DEUP1: variants seen among roughly 807,000 people sequenced by gnomAD.
DEUP1 encodes coiled-coil domain containing 67.
A neutral mutation model predicts 87.4 loss-of-function variants in DEUP1; 82 were observed. The ratio of observed to expected loss-of-function variants is 0.94; its 90% confidence interval spans 0.78 to 1.13. The LOEUF (loss-of-function observed/expected upper bound fraction) is 1.13, where lower values mean the gene tolerates loss of function less well. DEUP1 is among the 50% of genes most tolerant of loss of function. The pLI is 0.00. For synonymous variants in DEUP1, 214 were observed against 222.7 expected (o/e 0.96, Z 0.35); for missense variants, 663 against 681.5 (o/e 0.97, Z 0.30).
At chr11:93,384,314 T>C (rs914804979) in intron 7 of DEUP1, among the ~76,000 whole-genome samples, 1 of 152,214 alleles carries the variant, frequency 6.6e-6, no homozygotes, top group Non-Finnish European at 1.5e-5. Context: ...ACAGAGAAAA[T>C]AGAAGCCAAG....
chr11:93,429,007 T>G (rs1454850184), intron 13 of DEUP1, among the ~76,000 whole-genome samples: 1 of 152,208 alleles, frequency 6.6e-6, no homozygotes, highest in Admixed American at 6.5e-5. Flanking sequence ...ATATGTTTAT[T>G]GGCCATTTTG....
chr11:93,433,007 T>C (rs941542097), intron 13 of DEUP1, among the ~76,000 whole-genome samples: 1 of 152,184 alleles, frequency 6.6e-6, no homozygotes, highest in Non-Finnish European at 1.5e-5. Context: ...GTCAATCTCA[T>C]GGCCTTGTCA....
intron 7 of DEUP1, among the ~76,000 whole-genome samples, chr11:93,373,605 T>TTATATGTG (rs1555048194): frequency 2.3e-5 from 3 of 128,706 alleles, no homozygotes; most frequent in African/African-American, 9.1e-5. Context: ...GTATATATAT[T>TTATATGTG]TATATATGTA....
chr11:93,396,239 G>T lies in DEUP1; in HGVS notation c.1240G>T (p.Val414Phe), dbSNP rs1219855216. Reference sequence around the variant, plus strand: ...TTTGCCTTTTATCTGCTAATTTCAGGTCTCAGATATGAAATATAAAGCTGT... The same window carrying T: ...TTTGCCTTTTATCTGCTAATTTCAGTTCTCAGATATGAAATATAAAGCTGT... ...IKEKMLAKQK[V>F]SDMKYKAVRT... Residue 414 changes from valine to phenylalanine, a missense_variant and splice_region_variant, in exon 11 of 14, where the codon GTC becomes TTC. Physicochemically the swap from Val to Phe is conservative, Grantham distance 50. Transcript: ENST00000298050. 6.5e-6 allele frequency: 10 copies of T among 1,543,026 alleles called. No homozygotes were observed. The highest frequency in any genetic ancestry group is 2.3e-5 in the East Asian group (1 of 43,062).
chr11:93,364,616 T>C (rs1945324132), intron 5 of DEUP1, among the ~76,000 whole-genome samples: 1 of 152,004 alleles, frequency 6.6e-6, no homozygotes, highest in African/African-American at 2.4e-5. Flanking sequence ...AGTGAATATC[T>C]AATAAATCTT....
chr11:93,394,781 G>T (rs967730107), intron 10 of DEUP1, 125 bp downstream of exon 10: 17 of 683,166 alleles, frequency 2.5e-5, no homozygotes, highest in Admixed American at 9.5e-5. Context: ...TAGCTTCACA[G>T]AAATGCTTTG....
At chr11:93,405,472 G>C (rs929721060) in intron 11 of DEUP1, among the ~76,000 whole-genome samples, 1 of 151,912 alleles carries the variant, frequency 6.6e-6, no homozygotes, top group Non-Finnish European at 1.5e-5. Flanking sequence ...TTGGTCAGTA[G>C]CTTTAGAAGC....
intron 2 of DEUP1, among the ~76,000 whole-genome samples, chr11:93,347,493 C>T (rs764757543): frequency 6.6e-6 from 1 of 152,030 alleles, no homozygotes; most frequent in Non-Finnish European, 1.5e-5. Context: ...TTTGTTTTAT[C>T]TCTGCCAGGT....
intron 13 of DEUP1, among the ~76,000 whole-genome samples, chr11:93,434,772 A>G (rs1399341712): frequency 1.3e-5 from 2 of 152,194 alleles, no homozygotes; most frequent in Non-Finnish European, 2.9e-5. Flanking sequence ...AGCCATTCCT[A>G]CTTCCTCCCT....
At chr11:93,353,781 G>T (rs182744720) in intron 2 of DEUP1, among the ~76,000 whole-genome samples, 374 of 152,328 alleles carry the variant, frequency 2.5e-3, no homozygotes, top group African/African-American at 8.5e-3. Flanking sequence ...GGCTGGAGCA[G>T]TTGGAACACA....
intron 2 of DEUP1, among the ~76,000 whole-genome samples, chr11:93,346,374 T>A (rs1349554287): frequency 6.6e-6 from 1 of 152,074 alleles, no homozygotes; most frequent in Non-Finnish European, 1.5e-5. Context: ...CAGGTGCACA[T>A]CACCATGCCC....
At chr11:93,333,873 T>C (rs1054194917) in intron 2 of DEUP1, among the ~76,000 whole-genome samples, 1 of 152,150 alleles carries the variant, frequency 6.6e-6, no homozygotes, top group African/African-American at 2.4e-5. Flanking sequence ...TAAGTATGTG[T>C]TGGGTCCCTG....
chr11:93,346,025 T>G (rs191054676), intron 2 of DEUP1, among the ~76,000 whole-genome samples: 4 of 152,292 alleles, frequency 2.6e-5, no homozygotes, highest in Non-Finnish European at 5.9e-5. Flanking sequence ...CTTGAGTTAA[T>G]TTTTGTATAT....
intron 7 of DEUP1, among the ~76,000 whole-genome samples, chr11:93,381,419 C>A (rs562091186): frequency 3.3e-5 from 5 of 152,282 alleles, no homozygotes; most frequent in African/African-American, 1.2e-4. Context: ...GAATTACTGT[C>A]ATTTCTTATA....
chr11:93,372,041 G>A (rs1165358273), intron 7 of DEUP1, among the ~76,000 whole-genome samples: 1 of 149,170 alleles, frequency 6.7e-6, no homozygotes, highest in Non-Finnish European at 1.5e-5. Context: ...CCATTCTCCT[G>A]CCTCAGCCTC....
intron 2 of DEUP1, among the ~76,000 whole-genome samples, chr11:93,341,536 A>G (rs1944077694): frequency 6.6e-6 from 1 of 152,180 alleles, no homozygotes; most frequent in Non-Finnish European, 1.5e-5. Flanking sequence ...TTAGACAGTG[A>G]GGTTACTATT....
chr11:93,338,911 T>C (rs1943913757), intron 2 of DEUP1, among the ~76,000 whole-genome samples: 1 of 152,200 alleles, frequency 6.6e-6, no homozygotes, highest in Admixed American at 6.5e-5. Context: ...ACTATTTTCA[T>C]AGATACACTT....
intron 13 of DEUP1, among the ~76,000 whole-genome samples, chr11:93,415,362 A>G (rs546201283): frequency 6.6e-6 from 1 of 152,148 alleles, no homozygotes; most frequent in African/African-American, 2.4e-5. Context: ...ATTACTGGAG[A>G]TGGTGTTTTT....
chr11:93,372,875 A>G (rs936238114), intron 7 of DEUP1, among the ~76,000 whole-genome samples: 7 of 152,322 alleles, frequency 4.6e-5, no homozygotes, highest in South Asian at 2.1e-4. Flanking sequence ...GCACTCATTC[A>G]TCTGCTCTAG....
Sources: gnomAD v4.1 joint callset for allele counts (sites outside exome capture counted in the v4.1 genomes callset) on GRCh38, gnomAD v4.1.1 for gene constraint, MANE v1.5 for transcripts, NCBI Gene and HGNC (gene_info 2026-07-23, HGNC 2026-07-21) for gene names.